YJU2: variants seen among roughly 807,000 people sequenced by gnomAD.
YJU2 encodes the protein YJU2 splicing factor homolog.
YJU2 carries 28 observed loss-of-function variants against 39.6 expected under a neutral mutation model. The observed-to-expected ratio is 0.71, with a 90% CI of 0.52 to 0.97. The LOEUF (loss-of-function observed/expected upper bound fraction) is 0.97. YJU2 is among the 50% of genes least tolerant of loss of function. YJU2 has a pLI of 0.00. For missense variants in YJU2, 328 were observed against 430.4 expected (o/e 0.76, Z 2.11); for synonymous variants, 184 against 182.4 (o/e 1.01, Z -0.07).
chr19:4,250,939 C>A, intron 2 of YJU2, 88 bp from the exon 3 acceptor site: 1 of 1,450,888 alleles, frequency 6.9e-7, no homozygotes. Flanking sequence ...GGCAAGCAAG[C>A]AGTGATCTTG....
intron 6 of YJU2, among the ~76,000 whole-genome samples, chr19:4,263,085 A>AC (rs1184002316): frequency 1.6e-4 from 24 of 151,968 alleles, no homozygotes; most frequent in Middle Eastern, 3.4e-3. Flanking sequence ...AAAAAAAAAA[A>AC]AAAAAAACTT....
At chr19:4,263,581 A>C (rs981534296) in intron 6 of YJU2, among the ~76,000 whole-genome samples, 12 of 151,512 alleles carry the variant, frequency 7.9e-5, no homozygotes, top group Non-Finnish European at 1.5e-4. Flanking sequence ...AGGCCGAGGC[A>C]GGCGGATCAT....
At chr19:4,262,944 C>T (rs954678695) in intron 6 of YJU2, among the ~76,000 whole-genome samples, 1 of 151,866 alleles carries the variant, frequency 6.6e-6, no homozygotes, top group African/African-American at 2.4e-5. Flanking sequence ...TGCAGTGGCT[C>T]ACGCTTGTAA....
chr19:4,247,440 T>G (rs1970928375), intron 1 of YJU2: 2 of 253,452 alleles, frequency 7.9e-6, no homozygotes, highest in Non-Finnish European at 1.3e-5. Context: ...CCAGATAGGG[T>G]TTTTTTTCTG....
chr19:4,255,861 A>G lies in YJU2; in HGVS notation c.405+1372A>G, dbSNP rs193133143. On this transcript the variant is annotated intron_variant, in intron 4 of 7. Transcript: ENST00000262962. The stretch of plus-strand genomic sequence containing the variant: ...GTCTCTACTAAAAATACAAAAATTA[A>G]CCAGGCGTGGTGGCACGCGCCTATA... Among the ~76,000 whole-genome samples, 38 of 150,648 alleles carry G rather than the reference A, an allele frequency of 2.5e-4. 1 individual carries two copies. The South Asian group carries it at 8.0e-3, about 32-fold the overall frequency.
chr19:4,261,295 G>A (rs139770265), intron 5 of YJU2, among the ~76,000 whole-genome samples: 1,683 of 152,018 alleles, frequency 0.011, 11 homozygotes, highest in Non-Finnish European at 0.014. Context: ...ATTAGAGACC[G>A]GCCTGGCCAA....
At chr19:4,247,724 CATGCAGAT>C (rs1419893638) in intron 1 of YJU2, among the ~76,000 whole-genome samples, 1 of 145,414 alleles carries the variant, frequency 6.9e-6, no homozygotes, top group African/African-American at 2.5e-5. Flanking sequence ...GGGGTCTGGT[CATGCAGAT>C]AACCTCTGCC....
chr19:4,251,698 A>G (rs1404510586), intron 3 of YJU2, among the ~76,000 whole-genome samples: 6 of 151,684 alleles, frequency 4.0e-5, no homozygotes, highest in African/African-American at 1.5e-4. Context: ...AAAAAAAAAA[A>G]AAAAGCCAGG....
chr19:4,260,811 G>T (rs1333911101), intron 5 of YJU2, among the ~76,000 whole-genome samples: 1 of 152,114 alleles, frequency 6.6e-6, no homozygotes, highest in Non-Finnish European at 1.5e-5. Context: ...ACTGGGTTAA[G>T]GAAGTCCCAA....
chr19:4,251,287 A>G, intron 3 of YJU2, 116 bp downstream of exon 3: 1 of 1,052,178 alleles, frequency 9.5e-7, no homozygotes, highest in Non-Finnish European at 1.4e-6. Context: ...ATTTCAGTTT[A>G]TCCCCAAGAA....
chr19:4,261,361 C>A (rs561250697), intron 5 of YJU2, among the ~76,000 whole-genome samples: 1 of 152,034 alleles, frequency 6.6e-6, no homozygotes, highest in African/African-American at 2.4e-5. Context: ...CACGGTGGTG[C>A]GTGCCTGTAG....
chr19:4,254,698 T>C (rs1166527162), intron 4 of YJU2, among the ~76,000 whole-genome samples: 1 of 151,738 alleles, frequency 6.6e-6, no homozygotes, highest in Non-Finnish European at 1.5e-5. Flanking sequence ...GGCGGGAGGA[T>C]CACTTGAGGT....
chr19:4,250,150 C>A (rs1970963885), intron 2 of YJU2, among the ~76,000 whole-genome samples: 1 of 152,142 alleles, frequency 6.6e-6, no homozygotes, highest in Non-Finnish European at 1.5e-5. Context: ...TGTATTTCAC[C>A]AACTCTCAAC....
rs138930479 is a variant in YJU2 at position 4,249,637 on chromosome 19, G to A, written c.125+309G>A. On this transcript the variant is annotated intron_variant, in intron 2 of 7. Coordinates refer to ENST00000262962, the MANE Select transcript of YJU2 (RefSeq NM_018074.6). ...TTCAGCTCCTCCAACAGCCAAGCTC[G>A]TTCCTACCCCAGGGCCTTTGCACAC... Among the ~76,000 whole-genome samples the A allele has an allele frequency of 3.3e-4, 50 of 151,750 alleles. No homozygotes were observed. In the East Asian group the frequency reaches 5.6e-3, roughly 17 times the overall value.
chr19:4,262,345 C>T (rs182980804), intron 6 of YJU2, among the ~76,000 whole-genome samples: 4 of 152,136 alleles, frequency 2.6e-5, no homozygotes, highest in Admixed American at 1.3e-4. Context: ...ACTACAGGCA[C>T]GCGCCACCAA....
At chr19:4,262,149 G>A in intron 6 of YJU2, 35 bp downstream of exon 6, 1 of 1,565,324 alleles carries the variant, frequency 6.4e-7, no homozygotes, top group African/African-American at 1.4e-5. Flanking sequence ...GGGCTCCCAG[G>A]TGAACTAGGG....
chr19:4,254,639 GC>G, intron 4 of YJU2, 150 bp downstream of exon 4: 1 of 1,194,752 alleles, frequency 8.4e-7, no homozygotes, highest in Non-Finnish European at 1.1e-6. Flanking sequence ...TCCCCAGGAG[GC>G]CAGGCATAGT....
intron 3 of YJU2, 86 bp from the exon 4 acceptor site, chr19:4,254,269 G>C: frequency 1.0e-6 from 1 of 959,030 alleles, no homozygotes; most frequent in Non-Finnish European, 1.7e-6. Flanking sequence ...AAATCAGAGA[G>C]AAGGGGCCCT....
Position 4,258,330 on chromosome 19 carries a change from C to G in YJU2, c.494C>G (p.Ala165Gly), listed in dbSNP as rs767479418. 1 of 1,581,600 alleles carries G rather than the reference C, an allele frequency of 6.3e-7. No homozygotes were observed. Residue 165 changes from alanine to glycine, a missense_variant, in exon 5 of 8, where the codon GCG becomes GGG. Physicochemically the swap from Ala to Gly is moderately conservative, Grantham distance 60. Around this residue, in one of 2 missense-constraint regions of YJU2, gnomAD observed 244 missense variants for 264.6 expected, o/e 0.92. Transcript: ENST00000262962. ...CTGAAAGACCTGAACCAGCGGCAGG[C>G]GCACGTGGACTTCGAGGCTATGCTG... The part of the protein sequence containing the change: ...QELKDLNQRQ[A>G]HVDFEAMLRQ...
Sources: gnomAD v4.1 joint callset for allele counts (sites outside exome capture counted in the v4.1 genomes callset) on GRCh38, gnomAD v4.1.1 for gene constraint, gnomAD v4.1.1 regional missense constraint, MANE v1.5 for transcripts, NCBI Gene and HGNC (gene_info 2026-07-23, HGNC 2026-07-21) for gene names.